CHD6: variants seen among roughly 807,000 people sequenced by gnomAD.
CHD6 encodes chromodomain helicase DNA binding protein 6.
Under a neutral mutation model 276.9 loss-of-function variants are expected in CHD6, and 50 were observed. The ratio of observed to expected loss-of-function variants is 0.18; its 90% CI spans 0.14 to 0.23. CHD6 has a LOEUF of 0.23. Ranked by LOEUF, CHD6 falls within the 10% of genes least tolerant of loss-of-function variation. The probability of loss-of-function intolerance (pLI) is 1.00; values close to 1 mark genes in which losing one functional copy is unlikely to be tolerated. For synonymous variants in CHD6, 1,173 were observed against 1,229.3 expected, an observed-to-expected ratio of 0.95 and a Z score of 0.96; for missense variants, 2,564 against 3,365.8, an observed-to-expected ratio of 0.76 and a Z score of 5.89.
At chr20:41,450,925 A>G in intron 23 of CHD6, 21 bp downstream of exon 23, 1 of 1,600,974 alleles carries the variant, frequency 6.2e-7, no homozygotes, top group Non-Finnish European at 8.5e-7. Context: ...CCACCAGGGT[A>G]TGGGGAGGAG....
intron 1 of CHD6, among the ~76,000 whole-genome samples, chr20:41,608,748 G>A (rs1394372466): frequency 6.6e-6 from 1 of 152,198 alleles, no homozygotes; most frequent in Non-Finnish European, 1.5e-5. Context: ...AAGATAGAAA[G>A]TAGCTTTGGT....
intron 16 of CHD6, among the ~76,000 whole-genome samples, chr20:41,479,600 A>G (rs2043249049): frequency 6.6e-6 from 1 of 152,202 alleles, no homozygotes; most frequent in African/African-American, 2.4e-5. Context: ...GGGAAAAAAT[A>G]TGACTTGGAG....
chr20:41,437,212 T>C (rs769949413), intron 27 of CHD6, 62 bp downstream of exon 27: 15 of 1,246,540 alleles, frequency 1.2e-5, no homozygotes, highest in Admixed American at 1.7e-5. Context: ...ACTACCAAGA[T>C]AGGGATTTCT....
At chr20:41,614,551 G>T (rs2045917776) in intron 1 of CHD6, among the ~76,000 whole-genome samples, 1 of 152,182 alleles carries the variant, frequency 6.6e-6, no homozygotes, top group Non-Finnish European at 1.5e-5. Context: ...ATGAATAAAT[G>T]TAAGAGGATG....
At chr20:41,558,054 CCACCTTCCTT>C (rs767678550) in intron 1 of CHD6, among the ~76,000 whole-genome samples, 15 of 152,150 alleles carry the variant, frequency 9.9e-5, no homozygotes, top group Non-Finnish European at 1.8e-4. Flanking sequence ...TTGAGGAATG[CCACCTTCCTT>C]AAACCCCTGC....
intron 2 of CHD6, among the ~76,000 whole-genome samples, chr20:41,534,638 C>G (rs2044782427): frequency 1.3e-5 from 2 of 152,058 alleles, no homozygotes; most frequent in South Asian, 4.2e-4. Flanking sequence ...AGCCTAAATA[C>G]AAAGGGAATT....
chr20:41,437,873 A>G (rs1022071217), intron 26 of CHD6, among the ~76,000 whole-genome samples: 1 of 152,354 alleles, frequency 6.6e-6, no homozygotes, highest in Admixed American at 6.5e-5. Flanking sequence ...AGAATGAGAG[A>G]AACTATCACC....
Position 41,415,532 on chromosome 20 carries a change from G to T in CHD6, c.6593C>A (p.Ser2198Tyr). The change falls in exon 34 of 37, where the codon TCT (serine) becomes TAT (tyrosine). Residue 2198 changes from serine (S) to tyrosine (Y), a missense_variant. Around this residue, in one of 7 missense-constraint regions of CHD6, gnomAD observed 1,024 missense variants for 1,047.9 expected, o/e 0.98. Transcript: ENST00000373233. ...GATAGGGGTGTGCCCGTGGGTGGCA[G>T]AGAACTGCTCCAGGCCCCGAGCCTT... ...DAKARGLEQFSATHGHTPIIL... is the reference protein window; with the variant it reads ...DAKARGLEQFYATHGHTPIIL... 6.2e-7 allele frequency: 1 copy of T among 1,614,188 alleles called. No homozygotes were observed. Among genetic ancestry groups the T allele is most frequent in the African/African-American group, 1.3e-5 (1 of 75,048 alleles).
chr20:41,572,973 G>A (rs1004327035), intron 1 of CHD6, among the ~76,000 whole-genome samples: 12 of 151,762 alleles, frequency 7.9e-5, no homozygotes, highest in Admixed American at 6.6e-5. Context: ...GCAGTGGCAC[G>A]ATCTCGGCTC....
intron 26 of CHD6, 111 bp downstream of exon 26, chr20:41,439,889 G>T: frequency 8.9e-7 from 1 of 1,119,878 alleles, no homozygotes; most frequent in Non-Finnish European, 1.3e-6. Context: ...GCAAGGTGTA[G>T]GGAGATGCCA....
intron 1 of CHD6, chr20:41,564,058 T>C: frequency 1.3e-6 from 1 of 779,574 alleles, no homozygotes; most frequent in East Asian, 2.4e-5. Flanking sequence ...ACAAGCGTTG[T>C]GGGATTTGGG....
chr20:41,415,944 C>T (rs1208822281), intron 33 of CHD6, among the ~76,000 whole-genome samples: 1 of 152,188 alleles, frequency 6.6e-6, no homozygotes, highest in Non-Finnish European at 1.5e-5. Context: ...CTCAACCTCA[C>T]CTGTGCATCA....
chr20:41,430,375 C>CAAG (rs1411167909), intron 27 of CHD6, among the ~76,000 whole-genome samples: 1 of 152,170 alleles, frequency 6.6e-6, no homozygotes, highest in Non-Finnish European at 1.5e-5. Context: ...TTGATTCTGC[C>CAAG]ATGGCCCTCC....
chr20:41,454,148 G>A (rs1017199115), intron 20 of CHD6, among the ~76,000 whole-genome samples: 9 of 152,180 alleles, frequency 5.9e-5, no homozygotes, highest in Admixed American at 4.6e-4. Context: ...AGCTTCATCC[G>A]AAGGCATACT....
intron 25 of CHD6, among the ~76,000 whole-genome samples, chr20:41,443,268 C>CT: frequency 6.6e-6 from 1 of 152,344 alleles, no homozygotes; most frequent in East Asian, 1.9e-4. Context: ...TGGGCTGACT[C>CT]TATCTCCAAT....
At chr20:41,613,305 T>C (rs780041982) in intron 1 of CHD6, among the ~76,000 whole-genome samples, 15 of 152,326 alleles carry the variant, frequency 9.8e-5, no homozygotes, top group East Asian at 3.9e-4. Flanking sequence ...AATGAAGCAA[T>C]AGCAGAATTA....
chr20:41,520,432 A>G (rs1056878579), intron 3 of CHD6, among the ~76,000 whole-genome samples: 1 of 152,176 alleles, frequency 6.6e-6, no homozygotes, highest in African/African-American at 2.4e-5. Flanking sequence ...AATGTCCAAC[A>G]ATGATAGACT....
chr20:41,551,175 T>G, intron 2 of CHD6, 130 bp downstream of exon 2: 1 of 670,586 alleles, frequency 1.5e-6, no homozygotes, highest in Non-Finnish European at 2.6e-6. Context: ...GAGCTCTCAG[T>G]TACTATAATA....
intron 17 of CHD6, among the ~76,000 whole-genome samples, chr20:41,469,083 C>A (rs762891710): frequency 6.6e-6 from 1 of 152,148 alleles, no homozygotes; most frequent in East Asian, 1.9e-4. Context: ...CTCTTCCCCT[C>A]GGAGCAGTGT....
Sources: allele counts gnomAD v4.1 joint callset (sites outside exome capture counted in the v4.1 genomes callset), GRCh38; gene constraint gnomAD v4.1.1; regional missense constraint gnomAD v4.1.1; transcripts MANE v1.5; gene names NCBI Gene and HGNC (gene_info 2026-07-23, HGNC 2026-07-21).